The following PLCL1 variants were observed in gnomAD, a reference collection of about 807,000 sequenced individuals.
PLCL1 encodes inactive phospholipase C-like protein 1.
Under a neutral mutation model 84.4 loss-of-function variants are expected in PLCL1, and 41 were observed. The observed-to-expected ratio is 0.49, with a 90% CI of 0.38 to 0.63. The LOEUF is 0.63. PLCL1 is among the 30% of genes least tolerant of loss of function. PLCL1 has a pLI of 0.00. For missense variants in PLCL1, 1,206 were observed against 1,367.8 expected (o/e 0.88, Z 1.87); for synonymous variants, 490 against 488.3 (o/e 1.00, Z -0.05).
At chr2:197,897,838 A>G (rs1023734415) in intron 1 of PLCL1, among the ~76,000 whole-genome samples, 1 of 152,212 alleles carries the variant, frequency 6.6e-6, no homozygotes, top group Non-Finnish European at 1.5e-5. Context: ...CTAGTATCGC[A>G]TATCCAATGT....
rs547768492 is a variant in PLCL1, at chr2:197,931,931, A to G, written c.240+126592A>G. Among the ~76,000 whole-genome samples, 6 of 152,302 alleles carry G rather than the reference A, an allele frequency of 3.9e-5. No individual in the cohort carries two copies. The East Asian group carries it at 1.2e-3, about 29-fold the overall frequency. On this transcript the variant is annotated intron_variant, in intron 1 of 5. Coordinates refer to ENST00000428675, the MANE Select transcript of PLCL1 (RefSeq NM_006226.4). ...GCTGTGGTCATTTTACATAATTTAC[A>G]TATGTATATTCAATTTTGTTTAAGG...
At chr2:198,020,100 A>C (rs1228041070) in intron 1 of PLCL1, among the ~76,000 whole-genome samples, 1 of 152,238 alleles carries the variant, frequency 6.6e-6, no homozygotes, top group African/African-American at 2.4e-5. Flanking sequence ...TCTTAAAGAA[A>C]AGAATTTTCA....
intron 1 of PLCL1, among the ~76,000 whole-genome samples, chr2:197,901,127 C>A (rs755046065): frequency 6.6e-6 from 1 of 152,154 alleles, no homozygotes; most frequent in Non-Finnish European, 1.5e-5. Context: ...AAAGTGTACC[C>A]CTTTCATGAT....
intron 1 of PLCL1, among the ~76,000 whole-genome samples, chr2:197,983,556 G>A (rs1259162783): frequency 1.3e-5 from 2 of 152,050 alleles, no homozygotes; most frequent in East Asian, 1.9e-4. Context: ...TCTATAAAAG[G>A]TTTATTAGCA....
intron 1 of PLCL1, among the ~76,000 whole-genome samples, chr2:197,911,335 T>C (rs1688480376): frequency 6.6e-6 from 1 of 151,788 alleles, no homozygotes; most frequent in South Asian, 2.1e-4. Flanking sequence ...TGACCCTGTC[T>C]CAAAAAATAA....
intron 1 of PLCL1, among the ~76,000 whole-genome samples, chr2:197,972,509 T>A (rs2105798424): frequency 6.6e-6 from 1 of 152,166 alleles, no homozygotes; most frequent in Admixed American, 6.5e-5. Context: ...AACTCCTGAG[T>A]GTGGGTAAAG....
chr2:197,831,091 A>G (rs1691049089), intron 1 of PLCL1, among the ~76,000 whole-genome samples: 1 of 152,236 alleles, frequency 6.6e-6, no homozygotes, highest in Non-Finnish European at 1.5e-5. Flanking sequence ...CATTGACACT[A>G]TAAGGAAACT....
At chr2:197,837,140 G>A (rs536934053) in intron 1 of PLCL1, among the ~76,000 whole-genome samples, 2 of 152,248 alleles carry the variant, frequency 1.3e-5, no homozygotes, top group Non-Finnish European at 2.9e-5. Flanking sequence ...TTAAGGTTGC[G>A]GTTCAGAAGG....
intron 1 of PLCL1, among the ~76,000 whole-genome samples, chr2:197,860,414 A>G (rs145265063): frequency 1.3e-5 from 2 of 152,242 alleles, no homozygotes; most frequent in East Asian, 3.9e-4. Context: ...TGGTGGGTCA[A>G]ATGGTAGTTC....
chr2:198,081,121 G>A (rs913122613), intron 1 of PLCL1, among the ~76,000 whole-genome samples: 2 of 152,048 alleles, frequency 1.3e-5, no homozygotes, highest in Non-Finnish European at 2.9e-5. Context: ...TCATACTTGG[G>A]GTATAGGAAC....
At chr2:197,886,496 G>A (rs1048507475) in intron 1 of PLCL1, among the ~76,000 whole-genome samples, 2 of 147,594 alleles carry the variant, frequency 1.4e-5, no homozygotes, top group Admixed American at 6.9e-5. Context: ...TGGGGGCAAG[G>A]CCTCAAAATA....
At chr2:198,080,658 C>A (rs903926517) in intron 1 of PLCL1, among the ~76,000 whole-genome samples, 1 of 152,138 alleles carries the variant, frequency 6.6e-6, no homozygotes, top group African/African-American at 2.4e-5. Flanking sequence ...CCTTTTCCAG[C>A]GTATTTTGAA....
At chr2:198,038,555 C>T (rs112443557) in intron 1 of PLCL1, among the ~76,000 whole-genome samples, 7 of 152,128 alleles carry the variant, frequency 4.6e-5, no homozygotes, top group African/African-American at 1.7e-4. Flanking sequence ...TCTATGTTCT[C>T]TTAGGCTTGG....
chr2:198,114,897 T>C (rs1693706211), intron 5 of PLCL1, among the ~76,000 whole-genome samples: 1 of 151,740 alleles, frequency 6.6e-6, no homozygotes, highest in Non-Finnish European at 1.5e-5. Flanking sequence ...CAAATCTGAA[T>C]TTAGATAGAG....
intron 1 of PLCL1, among the ~76,000 whole-genome samples, chr2:198,023,170 T>C (rs1188884985): frequency 1.3e-5 from 2 of 152,144 alleles, no homozygotes; most frequent in African/African-American, 2.4e-5. Context: ...AGTTAATGAG[T>C]GGTGTTGGGA....
intron 1 of PLCL1, among the ~76,000 whole-genome samples, chr2:197,990,978 G>A (rs950844794): frequency 6.6e-6 from 1 of 152,094 alleles, no homozygotes; most frequent in Non-Finnish European, 1.5e-5. Context: ...AATCCTGGAG[G>A]GAGTGAAGGT....
chr2:197,951,403 T>C (rs148115074), intron 1 of PLCL1, among the ~76,000 whole-genome samples: 9 of 152,218 alleles, frequency 5.9e-5, no homozygotes, highest in Non-Finnish European at 1.3e-4. Context: ...CAGTGGACTG[T>C]GCAGGTTGGG....
chr2:198,022,031 C>G (rs1031394213), intron 1 of PLCL1, among the ~76,000 whole-genome samples: 7 of 152,170 alleles, frequency 4.6e-5, no homozygotes, highest in Non-Finnish European at 8.8e-5. Flanking sequence ...AAAAGCTTAT[C>G]CACCATGATC....
intron 1 of PLCL1, among the ~76,000 whole-genome samples, chr2:198,056,839 T>A (rs1692083507): frequency 6.6e-6 from 1 of 152,204 alleles, no homozygotes; most frequent in Non-Finnish European, 1.5e-5. Flanking sequence ...GACTTTGATT[T>A]GCACCCCTGG....
Sources: allele counts gnomAD v4.1 joint callset (sites outside exome capture counted in the v4.1 genomes callset), GRCh38; gene constraint gnomAD v4.1.1; transcripts MANE v1.5; gene names NCBI Gene and HGNC (gene_info 2026-07-23, HGNC 2026-07-21).